Variants in RRP9 observed in about 807,000 individuals in gnomAD.
The protein encoded by RRP9 is ribosomal RNA processing 9, U3 small nucleolar RNA binding protein, also known as U3 small nucleolar RNA-interacting protein 2.
RRP9 carries 35 observed loss-of-function variants against 65.5 expected under a neutral mutation model. The ratio of observed to expected loss-of-function variants is 0.53; its 90% CI spans 0.41 to 0.71. RRP9 has a LOEUF of 0.71. RRP9 is among the 30% of genes least tolerant of loss of function. The pLI, the probability that RRP9 is intolerant of heterozygous loss-of-function variation, is 0.00. For missense variants in RRP9, 533 were observed against 633.6 expected (o/e 0.84, Z 1.70); for synonymous variants, 254 against 245.0 (o/e 1.04, Z -0.34).
intron 6 of RRP9, 56 bp from the exon 7 acceptor site, chr3:51,936,611 A>G: frequency 6.4e-7 from 1 of 1,571,428 alleles, no homozygotes; most frequent in Admixed American, 1.7e-5. Context: ...GCTGGCTGGC[A>G]ACCCCCCTCA....
At chr3:51,941,297 G>T in intron 2 of RRP9, 112 bp downstream of exon 2, 1 of 951,216 alleles carries the variant, frequency 1.1e-6, no homozygotes, top group Non-Finnish European at 1.7e-6. Flanking sequence ...CGATCTCAGA[G>T]CCAAGGGACA....
chr3:51,941,706 C>T, intron 1 of RRP9, 75 bp downstream of exon 1: 1 of 1,359,856 alleles, frequency 7.4e-7, no homozygotes, highest in Non-Finnish European at 1.0e-6. Context: ...AGGGCCGGGA[C>T]CCAGGTCCCC....
chr3:51,933,595 C>T lies in RRP9; in HGVS notation c.1339G>A (p.Gly447Ser). The part of the protein sequence containing the change: ...VAGVGQEHRL[G>S]RWWRIKEARN... The stretch of plus-strand genomic sequence containing the variant: ...GCCTCTTTGATTCTCCACCATCGGC[C>T]AAGCCTGCAGGGAGTGCAAGACGCA... Residue 447 changes from glycine (G) to serine (S), a missense_variant, in exon 15 of 15, where the codon GGC becomes AGC. Coordinates refer to ENST00000232888, the MANE Select transcript of RRP9 (RefSeq NM_004704.5). The T allele has an allele frequency of 6.2e-7, 1 of 1,614,038 alleles. No homozygotes were observed. Among genetic ancestry groups the T allele is most frequent in the Non-Finnish European group, 8.5e-7 (1 of 1,179,978 alleles).
rs371274258 is a variant in RRP9 at position 51,933,692 on chromosome 3, C to T, written c.1334+16G>A. 69 of 1,613,878 alleles carry T rather than the reference C, an allele frequency of 4.3e-5. No homozygotes were observed. The African/African-American group carries it at 6.7e-4, about 16-fold the overall frequency. Reference sequence around the variant, plus strand: ...GCCTGCACCACCTTACCTGAACCCTCGAGGGCCACACATACCTGTGCTCCT... The same window carrying T: ...GCCTGCACCACCTTACCTGAACCCTTGAGGGCCACACATACCTGTGCTCCT... On this transcript the variant is annotated intron_variant, in intron 14 of 14. Transcript: ENST00000232888.
At position 51,936,710 on chromosome 3, in the gene RRP9, G is replaced by A. The variant is rs1013430167; in HGVS notation, c.518-155C>T. ...GCCACCGTGAGCCTCCGGACAAGCT[G>A]CCTCAGTTTCCTCATCTATGAAGAG... On this transcript the variant is annotated intron_variant, in intron 6 of 14. Transcript: ENST00000232888. 5.3e-5 allele frequency among the ~76,000 whole-genome samples: 8 copies of A among 152,176 alleles called. No individual in the cohort carries two copies. The South Asian group carries it at 6.2e-4, about 12-fold the overall frequency.
Position 51,937,093 on chromosome 3 carries a change from C to A in RRP9, c.517+99G>T. Reference sequence around the variant, plus strand: ...AGCAAACCTGCCTCCAGAGACTTCCCCACTTCAGGGCTCAGCCTGCCATGA... The same window carrying A: ...AGCAAACCTGCCTCCAGAGACTTCCACACTTCAGGGCTCAGCCTGCCATGA... On this transcript the variant is annotated intron_variant, in intron 6 of 14. Coordinates refer to ENST00000232888, the MANE Select transcript of RRP9 (RefSeq NM_004704.5). The surrounding 1 kb of genome is among the most constrained non-coding windows in gnomAD (Gnocchi z 5.0). 6.8e-7 allele frequency: 1 copy of A among 1,473,550 alleles called. No individual in the cohort carries two copies. The highest frequency in any genetic ancestry group is 1.2e-5 in the South Asian group (1 of 80,992). 91.3% of individuals were successfully genotyped at this position (1,473,550 alleles called of 1,614,324 possible).
chr3:51,941,238 C>T (rs1334763483), intron 2 of RRP9, among the ~76,000 whole-genome samples, 171 bp downstream of exon 2: 1 of 152,210 alleles, frequency 6.6e-6, no homozygotes, highest in Non-Finnish European at 1.5e-5. Flanking sequence ...CACCCAGAGA[C>T]CTCGCAGAAA....
At position 51,933,732 on chromosome 3, in the gene RRP9, A is replaced by G; in HGVS notation, c.1310T>C (p.Val437Ala). 6.2e-7 allele frequency: 1 copy of G among 1,614,042 alleles called. No individual in the cohort carries two copies. The highest frequency in any genetic ancestry group is 1.1e-5 in the South Asian group (1 of 91,076). The change falls in exon 14 of 15, where the codon GTG (valine) becomes GCG (alanine). Residue 437 changes from valine (V) to alanine (A), a missense_variant. Physicochemically the swap from Val to Ala is moderately conservative, Grantham distance 64. Coordinates refer to ENST00000232888, the MANE Select transcript of RRP9 (RefSeq NM_004704.5). Reference protein sequence around the residue: ...LKFSSSGDFLVAGVGQEHRLG... With the variant: ...LKFSSSGDFLAAGVGQEHRLG... ...CCTGTGCTCCTGCCCTACCCCAGCC[A>G]CCAGGAAGTCCCCAGAGCTGGAGAA...
chr3:51,941,539 G>A (rs1382347019), intron 1 of RRP9, 48 bp from the exon 2 acceptor site: 4 of 1,546,892 alleles, frequency 2.6e-6, no homozygotes, highest in Non-Finnish European at 3.6e-6. Flanking sequence ...AGACCACCCT[G>A]GCATTGACCA....
intron 1 of RRP9, 105 bp from the exon 2 acceptor site, chr3:51,941,596 GC>G: frequency 8.2e-7 from 1 of 1,224,082 alleles, no homozygotes; most frequent in Non-Finnish European, 1.2e-6. Flanking sequence ...AATGGGGAAG[GC>G]GGTGGTTCCC....
Position 51,933,600 on chromosome 3 carries a change from C to A in RRP9, c.1335-1G>T. 6.2e-7 allele frequency: 1 copy of A among 1,614,034 alleles called. No individual in the cohort carries two copies. The highest frequency in any genetic ancestry group is 8.5e-7 in the Non-Finnish European group (1 of 1,179,936). ...TTTGATTCTCCACCATCGGCCAAGC[C>A]TGCAGGGAGTGCAAGACGCAGCTGA... On this transcript the variant is annotated splice_acceptor_variant, in intron 14 of 14. Coordinates refer to ENST00000232888, the MANE Select transcript of RRP9 (RefSeq NM_004704.5). LOFTEE classifies it high-confidence loss of function.
chr3:51,940,261 C>CAA (rs1230915537), intron 2 of RRP9, among the ~76,000 whole-genome samples: 1 of 142,180 alleles, frequency 7.0e-6, no homozygotes, highest in African/African-American at 2.6e-5. Flanking sequence ...GTCTCAAAAA[C>CAA]AAAAAAAAAA....
intron 2 of RRP9, among the ~76,000 whole-genome samples, chr3:51,939,395 A>G (rs540785950): frequency 6.3e-4 from 96 of 152,376 alleles, no homozygotes; most frequent in Non-Finnish European, 1.2e-3. Flanking sequence ...ATTCATACGC[A>G]TGAGACAGAA....
At chr3:51,940,016 G>T (rs1378457777) in intron 2 of RRP9, among the ~76,000 whole-genome samples, 1 of 152,192 alleles carries the variant, frequency 6.6e-6, no homozygotes, top group African/African-American at 2.4e-5. Flanking sequence ...CAGCACTCTG[G>T]GAGGCTAAGA....
chr3:51,939,696 A>C (rs1296100561), intron 2 of RRP9, among the ~76,000 whole-genome samples: 1 of 152,262 alleles, frequency 6.6e-6, no homozygotes, highest in Non-Finnish European at 1.5e-5. Context: ...TAAAAGAAGA[A>C]CAAAGAAACC....
At chr3:51,935,168 T>TGGCC in intron 11 of RRP9, 29 bp downstream of exon 11, 3 of 1,609,156 alleles carry the variant, frequency 1.9e-6, no homozygotes, top group Non-Finnish European at 2.5e-6. Flanking sequence ...GCAGAAGCCG[T>TGGCC]GGCCAGAGAC....
At chr3:51,938,895 T>C (rs778813554) in intron 2 of RRP9, among the ~76,000 whole-genome samples, 2 of 152,176 alleles carry the variant, frequency 1.3e-5, no homozygotes, top group Non-Finnish European at 2.9e-5. Flanking sequence ...CACCATCCTT[T>C]ACCCTGGGAA....
Position 51,935,572 on chromosome 3 carries a change from C to CCT in RRP9, c.836+18_836+19dup, listed in dbSNP as rs1559743292. ...ACCCTCTCTCACACCATCCACACAC[C>CCT]CTCTCCCATCCACACTCACAGCGTC... On this transcript the variant is annotated intron_variant, in intron 9 of 14. Coordinates refer to ENST00000232888, the MANE Select transcript of RRP9 (RefSeq NM_004704.5). The CCT allele has an allele frequency of 6.2e-7, 1 of 1,613,744 alleles. No homozygotes were observed. The highest frequency in any genetic ancestry group is 8.5e-7 in the Non-Finnish European group (1 of 1,179,670).
At chr3:51,933,659 G>C (rs1457756979) in intron 14 of RRP9, 49 bp downstream of exon 14, 1 of 1,610,894 alleles carries the variant, frequency 6.2e-7, no homozygotes, top group Admixed American at 1.7e-5. Context: ...TTTCCACCGA[G>C]CTGTCCAGCC....
Sources: gnomAD v4.1 joint callset for allele counts (sites outside exome capture counted in the v4.1 genomes callset) on GRCh38, gnomAD v4.1.1 for gene constraint, Gnocchi (gnomAD v3.1) non-coding constraint, MANE v1.5 for transcripts, NCBI Gene and HGNC (gene_info 2026-07-23, HGNC 2026-07-21) for gene names.